APAF1: variants seen among roughly 807,000 people sequenced by gnomAD.
The protein encoded by APAF1 is apoptotic protease-activating factor 1.
In APAF1, 91 loss-of-function variants were observed where a neutral mutation model predicts 152.4. The observed-to-expected ratio is 0.60, with a 90% CI of 0.50 to 0.71. APAF1 has a LOEUF of 0.71. APAF1 is among the 30% of genes least tolerant of loss of function. The pLI, the probability that APAF1 is intolerant of heterozygous loss-of-function variation, is 0.00. For missense variants in APAF1, 1,283 were observed against 1,472.0 expected (o/e 0.87, Z 2.10); for synonymous variants, 484 against 494.1 (o/e 0.98, Z 0.27).
intron 1 of APAF1, 64 bp from the exon 2 acceptor site, chr12:98,648,255 G>A (rs751284404): frequency 1.6e-5 from 22 of 1,398,342 alleles, no homozygotes; most frequent in Non-Finnish European, 2.1e-5. Context: ...TTGTTTATTA[G>A]TGAGATTATG....
chr12:98,684,719 T>G (rs1157588926), intron 15 of APAF1, among the ~76,000 whole-genome samples: 1 of 152,100 alleles, frequency 6.6e-6, no homozygotes, highest in East Asian at 1.9e-4. Flanking sequence ...CTTGGCCCTA[T>G]TTGAATAAAT....
chr12:98,664,501 A>G (rs957191282), intron 7 of APAF1, among the ~76,000 whole-genome samples: 3 of 151,942 alleles, frequency 2.0e-5, no homozygotes, highest in Non-Finnish European at 2.9e-5. Flanking sequence ...ACAAAGATTT[A>G]AAAAGTTGAG....
At chr12:98,679,635 T>C (rs959829883) in intron 13 of APAF1, among the ~76,000 whole-genome samples, 2 of 152,192 alleles carry the variant, frequency 1.3e-5, no homozygotes, top group African/African-American at 4.8e-5. Context: ...ACTTGGGAGC[T>C]CCCCAAGCTA....
At chr12:98,723,060 C>G in intron 22 of APAF1, 133 bp from the exon 23 acceptor site, 2 of 921,334 alleles carry the variant, frequency 2.2e-6, no homozygotes, top group Non-Finnish European at 3.5e-6. Flanking sequence ...AGTCTTCTCT[C>G]TTATTCCTCT....
At chr12:98,681,123 A>G (rs1022157052) in intron 14 of APAF1, among the ~76,000 whole-genome samples, 2 of 152,200 alleles carry the variant, frequency 1.3e-5, no homozygotes, top group African/African-American at 4.8e-5. Context: ...GTGCAGTGGT[A>G]CAATCTCGGC....
Position 98,648,666 on chromosome 12 carries a change from T to C in APAF1, c.179T>C (p.Ile60Thr), listed in dbSNP as rs774078486. ...QQRAAMLIKM[I>T]LKKDNDSYVS... ...AGAGCAGCTATGCTGATTAAAATGATACTTAAAAAAGATAATGATTCCTAC... is the reference window on the plus strand; with the variant it reads ...AGAGCAGCTATGCTGATTAAAATGACACTTAAAAAAGATAATGATTCCTAC... The change falls in exon 3 of 27, where the codon ATA (isoleucine) becomes ACA (threonine). Residue 60 changes from isoleucine to threonine, a missense_variant. Ile to Thr is a moderately conservative substitution (Grantham distance 89). Coordinates refer to ENST00000551964, the MANE Select transcript of APAF1 (RefSeq NM_181861.2). 2.0e-5 allele frequency: 33 copies of C among 1,613,788 alleles called. No individual in the cohort carries two copies. Among genetic ancestry groups the C allele is most frequent in the Admixed American group, 1.2e-4 (7 of 60,004 alleles).
chr12:98,684,374 C>T (rs1281806165), intron 15 of APAF1, among the ~76,000 whole-genome samples: 1 of 150,682 alleles, frequency 6.6e-6, no homozygotes, highest in African/African-American at 2.4e-5. Flanking sequence ...TCTCTTCCTC[C>T]CCCTTTCCCT....
intron 14 of APAF1, among the ~76,000 whole-genome samples, chr12:98,682,680 G>A (rs2097693674): frequency 6.6e-6 from 1 of 152,098 alleles, no homozygotes; most frequent in Admixed American, 6.5e-5. Context: ...ATCTTAAATT[G>A]TGTGGGAGAG....
chr12:98,714,692 G>A (rs1238565405), intron 21 of APAF1, among the ~76,000 whole-genome samples: 2 of 152,120 alleles, frequency 1.3e-5, no homozygotes, highest in East Asian at 1.9e-4. Context: ...TCTTCCAGAC[G>A]TGGGTTAGGT....
intron 20 of APAF1, among the ~76,000 whole-genome samples, chr12:98,711,916 A>G (rs2097728330): frequency 6.6e-6 from 1 of 152,202 alleles, no homozygotes; most frequent in Non-Finnish European, 1.5e-5. Context: ...TGTCTGTCTC[A>G]GTCTTGTTTG....
chr12:98,657,316 A>G (rs2097659058), intron 4 of APAF1, among the ~76,000 whole-genome samples: 2 of 152,140 alleles, frequency 1.3e-5, no homozygotes, highest in Admixed American at 1.3e-4. Context: ...ATTGTCCATC[A>G]TTCAGTTGCT....
At chr12:98,699,905 A>G (rs573241860) in intron 17 of APAF1, among the ~76,000 whole-genome samples, 1 of 152,346 alleles carries the variant, frequency 6.6e-6, no homozygotes, top group Admixed American at 6.5e-5. Flanking sequence ...TATTTAAAAC[A>G]TAGAATGCTT....
chr12:98,680,376 ACC>A lies in APAF1; in HGVS notation c.2021_2022del (p.Thr674MetfsTer5). On this transcript the variant is annotated frameshift_variant, in exon 14 of 27. Transcript: ENST00000551964. LOFTEE classifies it high-confidence loss of function. ...AFSTDDRFIA[T>X]CSVDKKVKIW... The stretch of plus-strand genomic sequence containing the variant: ...CTCTACAGATGACAGATTTATAGCA[ACC>A]TGCTCAGTGGATAAAAAAGTGAAGG... 6.2e-7 allele frequency: 1 copy of A among 1,613,736 alleles called. No individual in the cohort carries two copies. Among genetic ancestry groups the A allele is most frequent in the Non-Finnish European group, 8.5e-7 (1 of 1,179,946 alleles).
At chr12:98,730,087 CTTAA>C (rs949997638) in intron 26 of APAF1, among the ~76,000 whole-genome samples, 58 of 152,222 alleles carry the variant, frequency 3.8e-4, no homozygotes, top group African/African-American at 1.3e-3. Flanking sequence ...ATATGTACAA[CTTAA>C]TTATCAATAA....
chr12:98,723,537 A>T, intron 23 of APAF1, 102 bp from the exon 24 acceptor site: 1 of 1,205,348 alleles, frequency 8.3e-7, no homozygotes, highest in South Asian at 1.3e-5. Flanking sequence ...CCAGTGTATT[A>T]AAACTCTTGT....
intron 1 of APAF1, among the ~76,000 whole-genome samples, chr12:98,647,455 C>T (rs2097642748): frequency 6.6e-6 from 1 of 152,118 alleles, no homozygotes; most frequent in East Asian, 1.9e-4. Flanking sequence ...TCACTGCAAC[C>T]TCTGCCGCCC....
At position 98,734,010 on chromosome 12, in the gene APAF1, A is replaced by C. The variant is rs1332071520; in HGVS notation, c.*1444A>C. ...AGTCATTGAGGTGGGGCCAATTTTA[A>C]TCATAAGCCTTAATAAGATTTTTCT... On this transcript the variant is annotated 3_prime_UTR_variant, in exon 27 of 27. Transcript: ENST00000551964. 6.6e-6 allele frequency: 1 copy of C among 152,212 alleles called. No individual in the cohort carries two copies. The highest frequency in any genetic ancestry group is 1.9e-4 in the East Asian group (1 of 5,200). 9.4% of individuals were successfully genotyped at this position (152,212 alleles called of 1,614,324 possible).
At chr12:98,670,930 G>T (rs1351913377) in intron 10 of APAF1, 43 bp from the exon 11 acceptor site, 9 of 1,257,532 alleles carry the variant, frequency 7.2e-6, no homozygotes, top group East Asian at 4.6e-5. Context: ...AAAATTTTTT[G>T]ATCTCTAACA....
In APAF1 at chr12:98,704,770, G is replaced by C. The variant is rs76466875; in HGVS notation, c.2595+1271G>C. Among the ~76,000 whole-genome samples the C allele has an allele frequency of 9.9e-3, 1,499 of 152,144 alleles. 25 individuals carry two copies. Among genetic ancestry groups the C allele is most frequent in the African/African-American group, 0.034 (1,413 of 41,514 alleles). ...GTTGGGCAGAGACTTTGAATTGGAA[G>C]TGTTTTGTTTTGTGTTACTTTGTTT... On this transcript the variant is annotated intron_variant, in intron 18 of 26. Coordinates refer to ENST00000551964, the MANE Select transcript of APAF1 (RefSeq NM_181861.2).
Sources: allele counts gnomAD v4.1 joint callset (sites outside exome capture counted in the v4.1 genomes callset), GRCh38; gene constraint gnomAD v4.1.1; transcripts MANE v1.5; gene names NCBI Gene and HGNC (gene_info 2026-07-23, HGNC 2026-07-21).